Variants in SMAD3 observed in about 807,000 individuals in gnomAD.
SMAD3 encodes MAD homolog 3.
Under a neutral mutation model 51.8 loss-of-function variants are expected in SMAD3, and 12 were observed. That is an observed-to-expected ratio of 0.23 (90% CI 0.15 to 0.38). The LOEUF is 0.38. Among genes scored for constraint, SMAD3 ranks in the 10% least tolerant of loss-of-function variants. SMAD3 has a pLI of 1.00. For missense variants in SMAD3, 294 were observed against 565.6 expected (o/e 0.52, Z 4.87); for synonymous variants, 238 against 227.7 (o/e 1.05, Z -0.41).
chr15:67,111,784 T>A (rs1048179097), intron 1 of SMAD3, among the ~76,000 whole-genome samples: 11 of 152,188 alleles, frequency 7.2e-5, no homozygotes, highest in African/African-American at 2.7e-4. Context: ...TTGGCATTTG[T>A]GTTTTTTGTT....
At chr15:67,158,414 T>A (rs1028343803) in intron 1 of SMAD3, among the ~76,000 whole-genome samples, 2 of 152,232 alleles carry the variant, frequency 1.3e-5, no homozygotes, top group African/African-American at 4.8e-5. Context: ...GAATGAGATG[T>A]CTTCCCTGTC....
intron 1 of SMAD3, among the ~76,000 whole-genome samples, chr15:67,128,684 A>T (rs1010563824): frequency 1.3e-5 from 2 of 152,004 alleles, no homozygotes; most frequent in Non-Finnish European, 2.9e-5. Context: ...AGATCGTCCC[A>T]CCTCAGACTC....
At chr15:67,075,927 A>G (rs1400015589) in intron 1 of SMAD3, among the ~76,000 whole-genome samples, 1 of 151,802 alleles carries the variant, frequency 6.6e-6, no homozygotes, top group Non-Finnish European at 1.5e-5. Context: ...AAAAAAAAAA[A>G]ATCAACGCAA....
At chr15:67,088,096 T>G (rs1345297105) in intron 1 of SMAD3, among the ~76,000 whole-genome samples, 1 of 152,196 alleles carries the variant, frequency 6.6e-6, no homozygotes. Context: ...CACACATTTG[T>G]TAGTTTATCC....
chr15:67,107,604 C>T (rs1960908051), intron 1 of SMAD3, among the ~76,000 whole-genome samples: 2 of 152,354 alleles, frequency 1.3e-5, no homozygotes, highest in South Asian at 2.1e-4. Context: ...AGCCTTGCCA[C>T]GGTCACTTGG....
chr15:67,127,274 C>T (rs12442452), intron 1 of SMAD3, among the ~76,000 whole-genome samples: 1 of 152,034 alleles, frequency 6.6e-6, no homozygotes, highest in Non-Finnish European at 1.5e-5. Context: ...GTTTTTCTGT[C>T]TCCTCCCTCT....
intron 1 of SMAD3, among the ~76,000 whole-genome samples, chr15:67,160,134 T>C (rs1962387201): frequency 6.6e-6 from 1 of 152,252 alleles, no homozygotes; most frequent in Non-Finnish European, 1.5e-5. Flanking sequence ...TGTATGCTTG[T>C]ATCAAAATAT....
At chr15:67,074,789 A>C (rs1245494209) in intron 1 of SMAD3, among the ~76,000 whole-genome samples, 11 of 152,142 alleles carry the variant, frequency 7.2e-5, no homozygotes, top group Non-Finnish European at 1.3e-4. Flanking sequence ...TCCCAGGTTC[A>C]AGCAGTTCTC....
At position 67,119,803 on chromosome 15, in the gene SMAD3, A is replaced by AT. The variant is rs1303312814; in HGVS notation, c.207-45082dup. Among the ~76,000 whole-genome samples the AT allele has an allele frequency of 9.6e-3, 1,449 of 150,202 alleles. 23 individuals are homozygous for AT. The highest frequency in any genetic ancestry group is 0.033 in the African/African-American group (1,368 of 41,036). Reference sequence around the variant, plus strand: ...TAACTTCAAGGGGTAAAGACTTTGAATTTTTTTTTTGGAGACAGAGTCTCG... The same window carrying AT: ...TAACTTCAAGGGGTAAAGACTTTGAATTTTTTTTTTTGGAGACAGAGTCTCG... On this transcript the variant is annotated intron_variant, in intron 1 of 8. Transcript: ENST00000327367.
chr15:67,079,056 G>A (rs1299685196), intron 1 of SMAD3, among the ~76,000 whole-genome samples: 1 of 151,888 alleles, frequency 6.6e-6, no homozygotes, highest in Admixed American at 6.6e-5. Context: ...TTGGCTCACG[G>A]CAACCTCTGC....
chr15:67,183,026 TATA>T lies in SMAD3; in HGVS notation c.871+1574_871+1576del, dbSNP rs1312964355. Reference sequence around the variant, plus strand: ...ATATATATATATATATATATATATATATATATTTTTTTTTTTTTTTTTTTTGGA... The same window carrying T: ...ATATATATATATATATATATATATATTATTTTTTTTTTTTTTTTTTTTGGA... On this transcript the variant is annotated intron_variant, in intron 6 of 8. Transcript: ENST00000327367. Among the ~76,000 whole-genome samples, 153 of 69,696 alleles carry T rather than the reference TATA, an allele frequency of 2.2e-3. 1 individual carries two copies. Among genetic ancestry groups the T allele is most frequent in the East Asian group, 0.014 (29 of 2,004 alleles). The allele number at this position is 69,696 out of a possible 152,430, so 45.7% of individuals were successfully genotyped here.
At chr15:67,172,887 A>G (rs182250707) in intron 5 of SMAD3, among the ~76,000 whole-genome samples, 1 of 152,296 alleles carries the variant, frequency 6.6e-6, no homozygotes, top group East Asian at 1.9e-4. Context: ...TTGGAGACGT[A>G]AAAGTCTGTG....
intron 1 of SMAD3, among the ~76,000 whole-genome samples, chr15:67,141,877 C>A (rs967686502): frequency 2.0e-5 from 3 of 152,124 alleles, no homozygotes; most frequent in Admixed American, 2.0e-4. Flanking sequence ...TAAGTTGAGG[C>A]CAACTCAGTT....
chr15:67,070,883 A>T (rs1259054405), intron 1 of SMAD3, among the ~76,000 whole-genome samples: 1 of 152,100 alleles, frequency 6.6e-6, no homozygotes, highest in Non-Finnish European at 1.5e-5. Flanking sequence ...TCAAGTCAGG[A>T]TGAGATAAGT....
intron 1 of SMAD3, among the ~76,000 whole-genome samples, chr15:67,121,997 C>T (rs908715756): frequency 1.3e-5 from 2 of 152,200 alleles, no homozygotes; most frequent in African/African-American, 4.8e-5. Context: ...AATGCTGTCC[C>T]TCAGTCACAC....
At chr15:67,166,143 C>A in intron 3 of SMAD3, 1 of 1,007,966 alleles carries the variant, frequency 9.9e-7, no homozygotes, top group Non-Finnish European at 1.2e-6. Context: ...AGGAGGAGAC[C>A]CACTGTCCAA....
chr15:67,141,397 GA>G (rs1961817127), intron 1 of SMAD3, among the ~76,000 whole-genome samples: 1 of 152,210 alleles, frequency 6.6e-6, no homozygotes, highest in South Asian at 2.1e-4. Context: ...GGCCAAGATG[GA>G]TGCAGTGGGA....
chr15:67,170,518 C>A (rs1566994331), intron 4 of SMAD3, 36 bp from the exon 5 acceptor site: 2 of 1,593,196 alleles, frequency 1.3e-6, no homozygotes, highest in African/African-American at 1.3e-5. Flanking sequence ...GGCCAAGAAT[C>A]TTTTGTGAAG....
At chr15:67,086,709 A>G (rs1175965666) in intron 1 of SMAD3, among the ~76,000 whole-genome samples, 1 of 152,156 alleles carries the variant, frequency 6.6e-6, no homozygotes, top group Non-Finnish European at 1.5e-5. Flanking sequence ...TGGAAAATAT[A>G]GTTCCTGCCC....
Sources: allele counts gnomAD v4.1 joint callset (sites outside exome capture counted in the v4.1 genomes callset), GRCh38; gene constraint gnomAD v4.1.1; transcripts MANE v1.5; gene names NCBI Gene and HGNC (gene_info 2026-07-23, HGNC 2026-07-21).